SPAG16: variants seen among roughly 807,000 people sequenced by gnomAD.
The protein encoded by SPAG16 is sperm-associated antigen 16 protein.
Under a neutral mutation model 80.4 loss-of-function variants are expected in SPAG16, and 86 were observed. The ratio of observed to expected loss-of-function variants is 1.07; its 90% CI spans 0.90 to 1.28. The LOEUF (loss-of-function observed/expected upper bound fraction) is 1.28, where lower values mean the gene tolerates loss of function less well. Ranked by LOEUF, SPAG16 falls within the 50% of genes most tolerant of loss-of-function variation. The pLI, the probability that SPAG16 is intolerant of heterozygous loss-of-function variation, is 0.00. For synonymous variants in SPAG16, 294 were observed against 265.9 expected, an observed-to-expected ratio of 1.11 and a Z score of -1.03; for missense variants, 870 against 765.3, an observed-to-expected ratio of 1.14 and a Z score of -1.61.
At chr2:214,249,314 C>A (rs976382063) in intron 15 of SPAG16, among the ~76,000 whole-genome samples, 1 of 151,990 alleles carries the variant, frequency 6.6e-6, no homozygotes, top group Non-Finnish European at 1.5e-5. Flanking sequence ...CATAAAAATG[C>A]ATTTTCAAAT....
At chr2:214,267,644 G>C (rs962700183) in intron 15 of SPAG16, among the ~76,000 whole-genome samples, 1 of 151,686 alleles carries the variant, frequency 6.6e-6, no homozygotes, top group Non-Finnish European at 1.5e-5. Context: ...AGAAAATAAA[G>C]ATATCACAAA....
In SPAG16 at chr2:214,326,760, A is replaced by G. The variant is rs563453697; in HGVS notation, c.1721-83380A>G. On this transcript the variant is annotated intron_variant, in intron 15 of 15. Coordinates refer to ENST00000331683, the MANE Select transcript of SPAG16 (RefSeq NM_024532.5). Reference sequence around the variant, plus strand: ...GGAGATCGAGGCCATCCTGGCTAACACGGTGAAACCCTGTCTCTACTAAAA... The same window carrying G: ...GGAGATCGAGGCCATCCTGGCTAACGCGGTGAAACCCTGTCTCTACTAAAA... Among the ~76,000 whole-genome samples the G allele has an allele frequency of 2.6e-5, 4 of 152,170 alleles. No individual in the cohort carries two copies. The South Asian group carries it at 8.3e-4, about 32-fold the overall frequency.
chr2:214,071,249 A>G (rs4643476), intron 13 of SPAG16, among the ~76,000 whole-genome samples: 143,814 of 152,126 alleles, frequency 0.95, 68,405 homozygotes, highest in Non-Finnish European at 0.99. Flanking sequence ...TGATTTGAAT[A>G]GGCAAGGGCT....
intron 10 of SPAG16, among the ~76,000 whole-genome samples, chr2:213,835,113 G>A (rs1281776753): frequency 6.6e-6 from 1 of 152,012 alleles, no homozygotes; most frequent in Admixed American, 6.6e-5. Context: ...GGAAATTTAG[G>A]AAACCCAAGT....
intron 10 of SPAG16, among the ~76,000 whole-genome samples, chr2:213,689,597 A>G (rs1267308419): frequency 7.2e-6 from 1 of 138,894 alleles, no homozygotes; most frequent in Non-Finnish European, 1.5e-5. Context: ...AGCAGTGCCC[A>G]ATAGCCATAT....
chr2:214,012,907 G>A (rs1230774684), intron 12 of SPAG16, among the ~76,000 whole-genome samples: 1 of 152,116 alleles, frequency 6.6e-6, no homozygotes, highest in African/African-American at 2.4e-5. Context: ...TGAAGAGCTT[G>A]CTAAAACACA....
intron 9 of SPAG16, among the ~76,000 whole-genome samples, chr2:213,461,697 T>C (rs2072372894): frequency 6.6e-6 from 1 of 152,174 alleles, no homozygotes; most frequent in East Asian, 1.9e-4. Flanking sequence ...AGGAACTGAC[T>C]TAAGTGAAAG....
chr2:213,425,057 C>T (rs908202785), intron 9 of SPAG16, among the ~76,000 whole-genome samples: 2 of 152,142 alleles, frequency 1.3e-5, no homozygotes, highest in Admixed American at 1.3e-4. Flanking sequence ...GGCACGGTGG[C>T]TCATGCCTGT....
At chr2:213,543,992 G>C (rs1418557678) in intron 10 of SPAG16, among the ~76,000 whole-genome samples, 1 of 151,988 alleles carries the variant, frequency 6.6e-6, no homozygotes, top group Non-Finnish European at 1.5e-5. Context: ...ATTTCTCAAT[G>C]AAAGTCTTGT....
At chr2:214,122,013 A>G (rs1406744307) in intron 14 of SPAG16, among the ~76,000 whole-genome samples, 5 of 151,812 alleles carry the variant, frequency 3.3e-5, no homozygotes, top group Non-Finnish European at 1.5e-5. Flanking sequence ...AATGGAGATA[A>G]TGTTCCTTTC....
chr2:214,064,447 C>G (rs995124975), intron 13 of SPAG16, among the ~76,000 whole-genome samples: 1 of 151,804 alleles, frequency 6.6e-6, no homozygotes, highest in Non-Finnish European at 1.5e-5. Context: ...TTGGAGGTCC[C>G]CTTTGTAAAA....
At chr2:214,183,831 G>A (rs745578150) in intron 15 of SPAG16, among the ~76,000 whole-genome samples, 1 of 152,096 alleles carries the variant, frequency 6.6e-6, no homozygotes, top group East Asian at 1.9e-4. Context: ...CGAAGCCTCC[G>A]TGTATAGATT....
intron 13 of SPAG16, among the ~76,000 whole-genome samples, chr2:214,083,164 C>T (rs76753267): frequency 0.014 from 2,188 of 152,210 alleles, 53 homozygotes; most frequent in African/African-American, 0.049. Context: ...CTGAATTTGT[C>T]AGATTTCCAT....
At chr2:213,411,722 G>A (rs913757474) in intron 9 of SPAG16, among the ~76,000 whole-genome samples, 16 of 152,108 alleles carry the variant, frequency 1.1e-4, no homozygotes, top group African/African-American at 3.6e-4. Flanking sequence ...TATTTCCCTC[G>A]CAGCCGTAAT....
At chr2:213,455,206 T>C (rs953044485) in intron 9 of SPAG16, among the ~76,000 whole-genome samples, 2 of 152,242 alleles carry the variant, frequency 1.3e-5, no homozygotes, top group Non-Finnish European at 2.9e-5. Context: ...TCTTAAAATA[T>C]GTGATTCTGA....
At chr2:213,801,592 G>C (rs79522852) in intron 10 of SPAG16, among the ~76,000 whole-genome samples, 1 of 152,126 alleles carries the variant, frequency 6.6e-6, no homozygotes, top group Non-Finnish European at 1.5e-5. Flanking sequence ...ATGTGCTAAG[G>C]TTGATTTCAA....
intron 12 of SPAG16, among the ~76,000 whole-genome samples, chr2:214,013,640 T>C (rs2124961013): frequency 6.6e-6 from 1 of 152,304 alleles, no homozygotes; most frequent in East Asian, 1.9e-4. Context: ...TTTAAACATA[T>C]TCCTCTATTA....
intron 15 of SPAG16, among the ~76,000 whole-genome samples, chr2:214,331,265 A>T (rs1227585680): frequency 6.6e-6 from 1 of 152,142 alleles, no homozygotes; most frequent in African/African-American, 2.4e-5. Context: ...GTTTGCTTCT[A>T]TAGCAAACAT....
In SPAG16 at chr2:214,053,143, T is replaced by C. The variant is rs76743192; in HGVS notation, c.1527+39066T>C. ...CTGGAGGAGAAAGACAAGGAAGGCA[T>C]GCAATTCGAGCATGGAAAGGGTATT... On this transcript the variant is annotated intron_variant, in intron 13 of 15. Coordinates refer to ENST00000331683, the MANE Select transcript of SPAG16 (RefSeq NM_024532.5). Among the ~76,000 whole-genome samples, 1,061 of 152,294 alleles carry C rather than the reference T, an allele frequency of 7.0e-3. 16 individuals are homozygous for C. The highest frequency in any genetic ancestry group is 0.024 in the African/African-American group (992 of 41,558).
Sources: gnomAD v4.1 joint callset for allele counts (sites outside exome capture counted in the v4.1 genomes callset) on GRCh38, gnomAD v4.1.1 for gene constraint, MANE v1.5 for transcripts, NCBI Gene and HGNC (gene_info 2026-07-23, HGNC 2026-07-21) for gene names.